Variants in PLD5 observed in about 807,000 individuals in gnomAD.
PLD5 encodes phospholipase D family member 5.
PLD5 carries 36 observed loss-of-function variants against 61.1 expected under a neutral mutation model. The observed-to-expected ratio is 0.59, with a 90% CI of 0.45 to 0.78. The LOEUF is 0.78. Ranked by LOEUF, PLD5 falls within the 30% of genes least tolerant of loss-of-function variation. PLD5 has a pLI of 0.00. For missense variants in PLD5, 515 were observed against 644.4 expected, an observed-to-expected ratio of 0.80 and a Z score of 2.17; for synonymous variants, 243 against 242.8, an observed-to-expected ratio of 1.00 and a Z score of -0.01.
chr1:242,408,812 T>TA (rs1664381073), intron 1 of PLD5, among the ~76,000 whole-genome samples: 1 of 152,184 alleles, frequency 6.6e-6, no homozygotes. Context: ...CTCACACCTG[T>TA]AATCCCAGCA....
At chr1:242,154,896 T>A (rs1055171074) in intron 5 of PLD5, among the ~76,000 whole-genome samples, 1 of 152,132 alleles carries the variant, frequency 6.6e-6, no homozygotes, top group African/African-American at 2.4e-5. Flanking sequence ...TTTTCTACTG[T>A]TTGGAATAGT....
intron 9 of PLD5, among the ~76,000 whole-genome samples, chr1:242,092,706 G>A (rs573296418): frequency 1.1e-3 from 160 of 152,284 alleles, no homozygotes; most frequent in Middle Eastern, 3.4e-3. Context: ...CCAAGGGCCC[G>A]CAGTCATCTG....
chr1:242,236,553 A>AC (rs1313075459), intron 4 of PLD5, among the ~76,000 whole-genome samples: 1 of 151,814 alleles, frequency 6.6e-6, no homozygotes, highest in East Asian at 1.9e-4. Context: ...AAAAACAACA[A>AC]AAAAAAACTC....
chr1:242,355,389 C>A (rs1219428678), intron 1 of PLD5, among the ~76,000 whole-genome samples: 2 of 152,020 alleles, frequency 1.3e-5, no homozygotes, highest in African/African-American at 4.8e-5. Flanking sequence ...CTAGGTCATC[C>A]AATTTGTTGG....
intron 1 of PLD5, among the ~76,000 whole-genome samples, chr1:242,411,228 G>GTTTT (rs1553370418): frequency 8.2e-6 from 1 of 122,068 alleles, no homozygotes; most frequent in Non-Finnish European, 1.7e-5. Flanking sequence ...CTGTGGTTTT[G>GTTTT]TTTTTTTGTT....
intron 3 of PLD5, among the ~76,000 whole-genome samples, chr1:242,268,938 G>T (rs1673881625): frequency 6.6e-6 from 1 of 152,044 alleles, no homozygotes; most frequent in Admixed American, 6.6e-5. Context: ...TGCCTCCTGG[G>T]TTCAAGTGAT....
At chr1:242,425,562 A>G (rs546515952) in intron 1 of PLD5, among the ~76,000 whole-genome samples, 1 of 151,836 alleles carries the variant, frequency 6.6e-6, no homozygotes, top group South Asian at 2.1e-4. Flanking sequence ...TATAAATACT[A>G]TATGCTTAGG....
At chr1:242,180,196 G>A (rs1170629612) in intron 5 of PLD5, among the ~76,000 whole-genome samples, 1 of 152,120 alleles carries the variant, frequency 6.6e-6, no homozygotes, top group Non-Finnish European at 1.5e-5. Flanking sequence ...ATTGTGAGAT[G>A]TGGATATTCC....
intron 5 of PLD5, among the ~76,000 whole-genome samples, chr1:242,207,758 T>TTATATTTA (rs1330795075): frequency 3.6e-5 from 2 of 55,392 alleles, no homozygotes; most frequent in African/African-American, 1.5e-4. Context: ...TTATATATAT[T>TTATATTTA]TATATTTATA....
intron 1 of PLD5, among the ~76,000 whole-genome samples, chr1:242,474,523 A>G (rs1667530343): frequency 1.3e-5 from 2 of 152,188 alleles, no homozygotes; most frequent in Non-Finnish European, 2.9e-5. Context: ...TATTTAAGAT[A>G]TTGCAATAGA....
In PLD5 at chr1:242,289,154, G is replaced by T. The variant is rs796329091; in HGVS notation, c.327-624C>A. Among the ~76,000 whole-genome samples the T allele has an allele frequency of 4.9e-4, 75 of 152,224 alleles. 1 individual carries two copies. Among genetic ancestry groups the T allele is most frequent in the African/African-American group, 1.8e-3 (73 of 41,526 alleles). ...GTATTAATCAAGCCCTAAATAAACT[G>T]CAATTGGCAATATTCTAATAAGTTT... On this transcript the variant is annotated intron_variant, in intron 2 of 9. Coordinates refer to ENST00000536534, the MANE Select transcript of PLD5 (RefSeq NM_001372062.1).
chr1:242,332,460 C>G (rs2149203034), intron 2 of PLD5, among the ~76,000 whole-genome samples: 1 of 152,310 alleles, frequency 6.6e-6, no homozygotes, highest in South Asian at 2.1e-4. Context: ...AATTGCCACA[C>G]TGTCTTCCAT....
At position 242,086,076 on chromosome 1, in the gene PLD5, C is replaced by T. The variant is rs1173688960; in HGVS notation, c.*3778G>A. On this transcript the variant is annotated 3_prime_UTR_variant, in exon 10 of 10. Transcript: ENST00000536534. ...AATGAGCTTCTATCCATCCCAGGTT[C>T]ATCGAGGCACTTAAACCATTAACTG... 1.3e-5 allele frequency: 2 copies of T among 152,148 alleles called. No homozygotes were observed. Among genetic ancestry groups the T allele is most frequent in the East Asian group, 3.9e-4 (2 of 5,170 alleles). The allele number at this position is 152,148 out of a possible 1,614,324, so 9.4% of individuals were successfully genotyped here. A position where few individuals can be genotyped will look rare whatever the true frequency, so the allele number is the denominator to read the frequency against.
intron 1 of PLD5, among the ~76,000 whole-genome samples, chr1:242,466,850 G>A (rs1235828122): frequency 4.6e-5 from 7 of 150,972 alleles, no homozygotes; most frequent in African/African-American, 9.8e-5. Context: ...CTGAGATTGC[G>A]CCACTGCACT....
chr1:242,244,167 C>T (rs1025433980), intron 4 of PLD5, among the ~76,000 whole-genome samples: 4 of 152,120 alleles, frequency 2.6e-5, no homozygotes, highest in Admixed American at 6.6e-5. Flanking sequence ...AAAATATTCA[C>T]AAAAGTCATT....
intron 2 of PLD5, among the ~76,000 whole-genome samples, chr1:242,325,400 G>A (rs1262451396): frequency 6.8e-6 from 1 of 147,328 alleles, no homozygotes; most frequent in East Asian, 2.0e-4. Context: ...GAGAGAGAGT[G>A]GGGGTTGTGG....
chr1:242,096,317 A>ATC lies in PLD5; in HGVS notation c.1354+4349_1354+4350dup, dbSNP rs534807901. ...GAAGTATCGATCGATCGAAAGATCG[A>ATC]TCTCTCTCTCTCTCTTTCCCTTTCT... On this transcript the variant is annotated intron_variant, in intron 9 of 9. Coordinates refer to ENST00000536534, the MANE Select transcript of PLD5 (RefSeq NM_001372062.1). 3.3e-3 allele frequency among the ~76,000 whole-genome samples: 474 copies of ATC among 144,382 alleles called. 3 individuals are homozygous for ATC. The highest frequency in any genetic ancestry group is 7.0e-3 in the Admixed American group (101 of 14,350). 94.7% of individuals were successfully genotyped at this position (144,382 alleles called of 152,430 possible). A position where few individuals can be genotyped will look rare whatever the true frequency, so the allele number is the denominator to read the frequency against.
At chr1:242,131,790 A>C (rs1663274682) in intron 5 of PLD5, among the ~76,000 whole-genome samples, 2 of 150,892 alleles carry the variant, frequency 1.3e-5, no homozygotes, top group South Asian at 4.2e-4. Context: ...AATAAGAATT[A>C]GGAGAAGCAC....
chr1:242,344,265 G>A (rs1029477199), intron 2 of PLD5, among the ~76,000 whole-genome samples: 8 of 152,180 alleles, frequency 5.3e-5, no homozygotes, highest in Middle Eastern at 3.4e-3. Flanking sequence ...ACAGCCTACC[G>A]AAGCCAATAG....
Sources: allele counts gnomAD v4.1 joint callset (sites outside exome capture counted in the v4.1 genomes callset), GRCh38; gene constraint gnomAD v4.1.1; transcripts MANE v1.5; gene names NCBI Gene and HGNC (gene_info 2026-07-23, HGNC 2026-07-21).